Variants in MYBL2 observed in about 807,000 individuals in gnomAD.
MYBL2 encodes the protein myb-related protein B.
MYBL2 carries 28 observed loss-of-function variants against 79.9 expected under a neutral mutation model. That is an observed-to-expected ratio of 0.35 (90% CI 0.26 to 0.48). The LOEUF (loss-of-function observed/expected upper bound fraction) is 0.48, where lower values mean the gene tolerates loss of function less well. MYBL2 is among the 20% of genes least tolerant of loss of function. MYBL2 has a pLI of 0.99. For synonymous variants in MYBL2, 378 were observed against 361.2 expected (o/e 1.05, Z -0.53); for missense variants, 735 against 893.9 (o/e 0.82, Z 2.27).
intron 9 of MYBL2, among the ~76,000 whole-genome samples, chr20:43,707,923 A>G (rs1987826879): frequency 6.6e-6 from 1 of 152,128 alleles, no homozygotes; most frequent in African/African-American, 2.4e-5. Flanking sequence ...TCGTCTTCAT[A>G]CGCCTCTTCA....
chr20:43,675,243 G>A (rs1312198996), intron 2 of MYBL2, among the ~76,000 whole-genome samples: 1 of 152,100 alleles, frequency 6.6e-6, no homozygotes, highest in African/African-American at 2.4e-5. Context: ...GCCTTCCAAA[G>A]TGCTAGGATT....
chr20:43,695,363 G>A (rs149368691), intron 6 of MYBL2, among the ~76,000 whole-genome samples: 1 of 152,170 alleles, frequency 6.6e-6, no homozygotes, highest in African/African-American at 2.4e-5. Context: ...AGCCTTACCC[G>A]TGTCTCTCCA....
At chr20:43,676,797 CTT>C (rs1987019874) in intron 2 of MYBL2, among the ~76,000 whole-genome samples, 1 of 150,898 alleles carries the variant, frequency 6.6e-6, no homozygotes, top group Non-Finnish European at 1.5e-5. Flanking sequence ...TTCTTAGTGT[CTT>C]CAGTTCTTCA....
At position 43,705,238 on chromosome 20, in the gene MYBL2, A is replaced by G. The variant is rs1240183339; in HGVS notation, c.1385A>G (p.Lys462Arg). 6.2e-7 allele frequency: 1 copy of G among 1,614,034 alleles called. No homozygotes were observed. Among genetic ancestry groups the G allele is most frequent in the Admixed American group, 1.7e-5 (1 of 59,992 alleles). The change falls in exon 9 of 14, where the codon AAA (lysine) becomes AGA (arginine). Residue 462 changes from lysine (K) to arginine (R), a missense_variant. Physicochemically the swap from Lys to Arg is conservative, Grantham distance 26. This residue lies in a region of MYBL2 where 243 missense variants were observed against 327.2 expected (regional missense o/e 0.74). Coordinates refer to ENST00000217026, the MANE Select transcript of MYBL2 (RefSeq NM_002466.4). Reference sequence around the variant, plus strand: ...TGGCAGTTTCTGAACTTCTGGAACAAACAGGACACATTGGAGCTGGAGAGC... The same window carrying G: ...TGGCAGTTTCTGAACTTCTGGAACAGACAGGACACATTGGAGCTGGAGAGC... ...SPSQFLNFWN[K>R]QDTLELESPS...
chr20:43,701,887 C>T (rs74171251), intron 7 of MYBL2, among the ~76,000 whole-genome samples: 20 of 151,988 alleles, frequency 1.3e-4, no homozygotes, highest in Non-Finnish European at 2.6e-4. Context: ...TAGCTGAAGC[C>T]GGGTGCAGTG....
At chr20:43,679,568 A>T (rs937913536) in intron 2 of MYBL2, among the ~76,000 whole-genome samples, 4 of 152,036 alleles carry the variant, frequency 2.6e-5, no homozygotes, top group Admixed American at 6.6e-5. Flanking sequence ...TAAGAGTCCT[A>T]GACCAGCTTG....
chr20:43,713,197 C>T, intron 12 of MYBL2, 91 bp downstream of exon 12: 3 of 1,068,526 alleles, frequency 2.8e-6, no homozygotes, highest in South Asian at 2.8e-5. Context: ...GCTTCTGGAA[C>T]CCTGGGCTCT....
chr20:43,697,926 A>AC, intron 6 of MYBL2, among the ~76,000 whole-genome samples: 1 of 151,674 alleles, frequency 6.6e-6, no homozygotes, highest in East Asian at 1.9e-4. Flanking sequence ...AAAAAAAAAA[A>AC]AAAAAATTGC....
chr20:43,715,773 G>T (rs1988017921), intron 13 of MYBL2, among the ~76,000 whole-genome samples, 186 bp from the exon 14 acceptor site: 1 of 152,160 alleles, frequency 6.6e-6, no homozygotes. Flanking sequence ...CCTACTTACA[G>T]TTGAGGAAGC....
chr20:43,715,580 G>A (rs558381409), intron 13 of MYBL2, among the ~76,000 whole-genome samples: 1 of 152,248 alleles, frequency 6.6e-6, no homozygotes, highest in South Asian at 2.1e-4. Context: ...GGTTTCACTT[G>A]TAACTAAGTC....
At chr20:43,688,939 G>A (rs900889751) in intron 5 of MYBL2, among the ~76,000 whole-genome samples, 14 of 152,026 alleles carry the variant, frequency 9.2e-5, no homozygotes, top group African/African-American at 2.4e-4. Context: ...ATAGGCGCCC[G>A]CCACCACACC....
intron 6 of MYBL2, among the ~76,000 whole-genome samples, chr20:43,699,444 T>C (rs538839378): frequency 6.6e-6 from 1 of 152,322 alleles, no homozygotes; most frequent in East Asian, 1.9e-4. Context: ...ACAATAAAGT[T>C]ATATTCAATC....
chr20:43,700,145 A>G, intron 7 of MYBL2, 101 bp downstream of exon 7: 5 of 1,453,024 alleles, frequency 3.4e-6, no homozygotes, highest in African/African-American at 1.4e-5. Flanking sequence ...TCGCCCTGCT[A>G]ACAGTTACTG....
chr20:43,704,680 G>C (rs886172731), intron 8 of MYBL2, among the ~76,000 whole-genome samples: 63 of 152,192 alleles, frequency 4.1e-4, no homozygotes, highest in African/African-American at 1.4e-3. Context: ...CTCAGTGCAA[G>C]ACTCAAAACC....
At chr20:43,687,118 G>A (rs924118623) in intron 5 of MYBL2, 46 bp downstream of exon 5, 1 of 1,583,902 alleles carries the variant, frequency 6.3e-7, no homozygotes, top group Non-Finnish European at 8.6e-7. Flanking sequence ...GGGAGGCCAG[G>A]CCCGTGTTTC....
At chr20:43,715,812 T>C in intron 13 of MYBL2, 147 bp from the exon 14 acceptor site, 1 of 1,165,572 alleles carries the variant, frequency 8.6e-7, no homozygotes, top group Non-Finnish European at 1.2e-6. Context: ...TTGTCCAGGG[T>C]CACAGGGAAT....
intron 5 of MYBL2, among the ~76,000 whole-genome samples, chr20:43,691,858 A>G (rs1258199257): frequency 6.8e-6 from 1 of 147,762 alleles, no homozygotes; most frequent in Non-Finnish European, 1.5e-5. Context: ...TTTTTTTTTT[A>G]ATTAAAAAAA....
chr20:43,708,477 G>A (rs1987837800), intron 9 of MYBL2, among the ~76,000 whole-genome samples: 1 of 151,998 alleles, frequency 6.6e-6, no homozygotes, highest in African/African-American at 2.4e-5. Context: ...TTAGTCACCC[G>A]GGTTGGAGTG....
intron 9 of MYBL2, among the ~76,000 whole-genome samples, chr20:43,705,665 T>TA (rs1018566158): frequency 7.3e-5 from 11 of 149,962 alleles, no homozygotes; most frequent in East Asian, 3.9e-4. Flanking sequence ...CTCAGCTAAT[T>TA]AAAAAAATAT....
Sources: allele counts gnomAD v4.1 joint callset (sites outside exome capture counted in the v4.1 genomes callset), GRCh38; gene constraint gnomAD v4.1.1; regional missense constraint gnomAD v4.1.1; transcripts MANE v1.5; gene names NCBI Gene and HGNC (gene_info 2026-07-23, HGNC 2026-07-21).